The following LARGE1 variants were observed in gnomAD, a reference collection of about 807,000 sequenced individuals.
The protein encoded by LARGE1 is LARGE xylosyl- and glucuronyltransferase 1, also known as xylosyl- and glucuronyltransferase LARGE1.
In LARGE1, 43 loss-of-function variants were observed where a neutral mutation model predicts 87.6. That is an observed-to-expected ratio of 0.49 (90% CI 0.38 to 0.63). The LOEUF (loss-of-function observed/expected upper bound fraction) is 0.63, where lower values mean the gene tolerates loss of function less well. Ranked by LOEUF, LARGE1 falls within the 30% of genes least tolerant of loss-of-function variation. The pLI, the probability that LARGE1 is intolerant of heterozygous loss-of-function variation, is 0.00. For missense variants in LARGE1, 802 were observed against 1,000.2 expected (o/e 0.80, Z 2.67); for synonymous variants, 434 against 394.6 (o/e 1.10, Z -1.18).
intron 1 of LARGE1, among the ~76,000 whole-genome samples, chr22:33,782,237 A>G (rs895123331): frequency 6.6e-6 from 1 of 152,214 alleles, no homozygotes; most frequent in Admixed American, 6.5e-5. Flanking sequence ...CATGACTGAG[A>G]CGCATTTAAG....
intron 11 of LARGE1, among the ~76,000 whole-genome samples, chr22:33,310,805 C>T (rs561142146): frequency 6.6e-6 from 1 of 152,188 alleles, no homozygotes; most frequent in African/African-American, 2.4e-5. Flanking sequence ...CTCATTAGGG[C>T]TTGGCATCCC....
chr22:33,452,067 A>G (rs564017149), intron 6 of LARGE1, among the ~76,000 whole-genome samples: 2 of 152,326 alleles, frequency 1.3e-5, no homozygotes, highest in South Asian at 2.1e-4. Flanking sequence ...TTATTCATCT[A>G]CACATTTATT....
intron 9 of LARGE1, among the ~76,000 whole-genome samples, chr22:33,346,527 T>C (rs571598525): frequency 6.6e-6 from 1 of 152,308 alleles, no homozygotes; most frequent in South Asian, 2.1e-4. Context: ...GGTCTCAAAC[T>C]CCTGACCTCA....
intron 2 of LARGE1, chr22:33,733,171 T>G (rs534013252): frequency 1.3e-5 from 2 of 152,196 alleles, no homozygotes; most frequent in South Asian, 2.1e-4. Flanking sequence ...CCCGACAGAG[T>G]CCATGGCAGA....
chr22:33,862,390 C>T (rs2063955780), intron 1 of LARGE1, among the ~76,000 whole-genome samples: 1 of 152,216 alleles, frequency 6.6e-6, no homozygotes, highest in African/African-American at 2.4e-5. Flanking sequence ...TATATCCGAA[C>T]ATCTTGAACA....
chr22:33,428,306 GGTTT>G (rs778784285), intron 7 of LARGE1, among the ~76,000 whole-genome samples: 83 of 141,332 alleles, frequency 5.9e-4, no homozygotes, highest in Non-Finnish European at 9.7e-4. Context: ...TCACATACTA[GGTTT>G]GTTATGTCTT....
intron 2 of LARGE1, among the ~76,000 whole-genome samples, chr22:33,736,022 T>A (rs2083643527): frequency 6.6e-6 from 1 of 152,276 alleles, no homozygotes; most frequent in Non-Finnish European, 1.5e-5. Context: ...GACCACATTT[T>A]GTTTATCCAT....
chr22:33,337,568 G>A lies in LARGE1; in HGVS notation c.1287+78C>T, dbSNP rs1019773294. On this transcript the variant is annotated intron_variant, in intron 10 of 14. Transcript: ENST00000397394. ...TAGGTCCTGCCATGAGCCTGACATA[G>A]AGCCTGGCATGGGGGAGGTCCTTGA... The A allele has an allele frequency of 2.3e-5, 35 of 1,544,976 alleles. No homozygotes were observed. In the African/African-American group the frequency reaches 3.1e-4, roughly 14 times the overall value.
At chr22:33,241,222 C>G (rs1926496626) in intron 11 of LARGE1, among the ~76,000 whole-genome samples, 2 of 152,106 alleles carry the variant, frequency 1.3e-5, no homozygotes, top group Admixed American at 6.5e-5. Context: ...TATGCTCTCT[C>G]TCTCTCTCAC....
At chr22:33,730,810 A>G (rs2083440238) in intron 2 of LARGE1, among the ~76,000 whole-genome samples, 2 of 151,586 alleles carry the variant, frequency 1.3e-5, no homozygotes, top group Non-Finnish European at 2.9e-5. Context: ...CTTTTGCCTC[A>G]GCCTCCCAAG....
rs186939483 is a variant in LARGE1 at position 33,742,887 on chromosome 22, G to T, written c.106+18484C>A. Among the ~76,000 whole-genome samples the T allele has an allele frequency of 2.2e-3, 328 of 152,180 alleles. 2 individuals are homozygous for T. Among genetic ancestry groups the T allele is most frequent in the Middle Eastern group, 0.014 (4 of 294 alleles). On this transcript the variant is annotated intron_variant, in intron 2 of 14. Transcript: ENST00000397394. ...GTTCCAACACCCAGTGATAAAGTCT[G>T]TATCTTTGTCCCCTCCAAATCTCAT...
chr22:33,890,373 G>GT (rs1220308260), intron 1 of LARGE1, among the ~76,000 whole-genome samples: 1 of 152,008 alleles, frequency 6.6e-6, no homozygotes, highest in Non-Finnish European at 1.5e-5. Context: ...GCTTGGCACA[G>GT]TAGTTGGTGC....
intron 1 of LARGE1, among the ~76,000 whole-genome samples, chr22:33,849,404 C>T (rs887646242): frequency 3.9e-5 from 6 of 151,968 alleles, no homozygotes; most frequent in East Asian, 1.9e-4. Context: ...TCAGAGGATA[C>T]GAATGCTATA....
chr22:33,089,023 G>A, the LARGE1 span, among the ~76,000 whole-genome samples: 2 of 152,094 alleles, frequency 1.3e-5, no homozygotes, highest in Non-Finnish European at 2.9e-5. Context: ...CCCTCTTTTC[G>A]TGATTCCTTT....
At chr22:33,490,406 A>G (rs1035891851) in intron 6 of LARGE1, among the ~76,000 whole-genome samples, 2 of 152,160 alleles carry the variant, frequency 1.3e-5, no homozygotes, top group African/African-American at 4.8e-5. Flanking sequence ...TTAATGAAAT[A>G]GTGCAATTTA....
At chr22:33,379,865 T>C (rs2065103812) in intron 9 of LARGE1, among the ~76,000 whole-genome samples, 1 of 152,154 alleles carries the variant, frequency 6.6e-6, no homozygotes, top group Admixed American at 6.5e-5. Context: ...AAGGGGCTCA[T>C]ATACACAATA....
At chr22:33,920,495 A>G (rs372136992), upstream of LARGE1, 145,361 of 145,384 alleles carry the variant, frequency 1, 72,669 homozygotes, top group Admixed American at 1. Context: ...CGGGCGCCGA[A>G]CGCGGCGGCG....
chr22:33,613,848 C>T (rs561959605), intron 4 of LARGE1, among the ~76,000 whole-genome samples: 1 of 152,308 alleles, frequency 6.6e-6, no homozygotes, highest in South Asian at 2.1e-4. Context: ...GAGTGGCTTC[C>T]TCAATTTCCA....
the LARGE1 span, among the ~76,000 whole-genome samples, chr22:33,088,627 T>G: frequency 6.6e-6 from 1 of 152,276 alleles, no homozygotes; most frequent in Non-Finnish European, 1.5e-5. Flanking sequence ...ACCAGAGAGA[T>G]GTCCCACTAT....
Sources: allele counts gnomAD v4.1 joint callset (sites outside exome capture counted in the v4.1 genomes callset), GRCh38; gene constraint gnomAD v4.1.1; transcripts MANE v1.5; gene names NCBI Gene and HGNC (gene_info 2026-07-23, HGNC 2026-07-21).